The following GALNT17 variants were observed in gnomAD, a reference collection of about 807,000 sequenced individuals.
GALNT17 encodes UDP-GalNAc:polypeptide N-acetylgalactosaminyltransferase-like 3.
In GALNT17, 29 loss-of-function variants were observed where a neutral mutation model predicts 63.7. That is an observed-to-expected ratio of 0.46 (90% CI 0.34 to 0.62). The LOEUF (loss-of-function observed/expected upper bound fraction) is 0.62, where lower values mean the gene tolerates loss of function less well. Among genes scored for constraint, GALNT17 ranks in the 20% least tolerant of loss-of-function variants. The pLI is 0.01. For synonymous variants in GALNT17, 305 were observed against 318.3 expected (o/e 0.96, Z 0.45); for missense variants, 603 against 799.6 (o/e 0.75, Z 2.97).
intron 6 of GALNT17, among the ~76,000 whole-genome samples, chr7:71,582,390 TGG>T (rs1789648586): frequency 7.0e-6 from 1 of 143,830 alleles, no homozygotes; most frequent in Admixed American, 7.3e-5. Flanking sequence ...CTGGCCAACA[TGG>T]TGAAACACTG....
intron 2 of GALNT17, among the ~76,000 whole-genome samples, chr7:71,346,786 T>C (rs900616156): frequency 3.3e-5 from 5 of 151,990 alleles, no homozygotes; most frequent in African/African-American, 4.8e-5. Context: ...TGGAGTTACT[T>C]CTTTAGTTTT....
chr7:71,252,681 A>C (rs537515005), intron 1 of GALNT17, among the ~76,000 whole-genome samples: 1 of 152,302 alleles, frequency 6.6e-6, no homozygotes, highest in South Asian at 2.1e-4. Flanking sequence ...TAGATCATAC[A>C]TATATGTGTG....
At chr7:71,589,998 A>G (rs1789774703) in intron 6 of GALNT17, among the ~76,000 whole-genome samples, 1 of 152,176 alleles carries the variant, frequency 6.6e-6, no homozygotes, top group South Asian at 2.1e-4. Context: ...GATTATGTTC[A>G]TAATCTTTAT....
intron 1 of GALNT17, among the ~76,000 whole-genome samples, chr7:71,134,218 C>T (rs914817085): frequency 1.3e-5 from 2 of 152,208 alleles, no homozygotes; most frequent in Non-Finnish European, 2.9e-5. Flanking sequence ...AACCCTGTGT[C>T]TGGTTGACCA....
chr7:71,461,341 A>G (rs1408544110), intron 5 of GALNT17, among the ~76,000 whole-genome samples: 1 of 152,236 alleles, frequency 6.6e-6, no homozygotes, highest in Non-Finnish European at 1.5e-5. Context: ...AGGAGAACAT[A>G]GGAAAGGGCC....
Position 71,347,308 on chromosome 7 carries a change from C to T in GALNT17, c.422+11575C>T, listed in dbSNP as rs578126796. ...CCCTTTCTAGCTATGTGACCTTGGG[C>T]AAGTTGCTTAACCTGTCTGTGCCTC... On this transcript the variant is annotated intron_variant, in intron 2 of 10. Transcript: ENST00000333538. Among the ~76,000 whole-genome samples, 3 of 152,236 alleles carry T rather than the reference C, an allele frequency of 2.0e-5. No homozygotes were observed. In the South Asian group the frequency reaches 6.2e-4, roughly 32 times the overall value.
chr7:71,408,644 G>A (rs1378632934), intron 3 of GALNT17, among the ~76,000 whole-genome samples: 9 of 152,250 alleles, frequency 5.9e-5, no homozygotes, highest in Middle Eastern at 3.4e-3. Flanking sequence ...TGGGGAGCGG[G>A]GGAGGGATTG....
At position 71,462,974 on chromosome 7, in the gene GALNT17, A is replaced by T. The variant is rs189786906; in HGVS notation, c.962+41869A>T. 1.9e-3 allele frequency among the ~76,000 whole-genome samples: 288 copies of T among 152,286 alleles called. 7 individuals carry two copies. Among genetic ancestry groups the T allele is most frequent in the Admixed American group, 0.017 (262 of 15,302 alleles). On this transcript the variant is annotated intron_variant, in intron 5 of 10. Transcript: ENST00000333538. ...GCACTGAGACAGCAGATTGCAGCAG[A>T]CAAAAAGGTTTAATTGTTGGGCCAC...
intron 9 of GALNT17, among the ~76,000 whole-genome samples, chr7:71,695,728 A>G (rs1371433180): frequency 6.6e-6 from 1 of 152,108 alleles, no homozygotes; most frequent in Non-Finnish European, 1.5e-5. Context: ...TTTATTTTCT[A>G]TATTCAGTTT....
chr7:71,534,598 C>CA (rs371592743), intron 5 of GALNT17, among the ~76,000 whole-genome samples: 14,963 of 108,052 alleles, frequency 0.14, 1,203 homozygotes, highest in East Asian at 0.39. Context: ...GACTCCATCT[C>CA]AAAAAAAAAA....
At chr7:71,602,023 C>T (rs1789973694) in intron 6 of GALNT17, among the ~76,000 whole-genome samples, 2 of 152,212 alleles carry the variant, frequency 1.3e-5, no homozygotes, top group African/African-American at 2.4e-5. Context: ...TTCCAGCTGA[C>T]CCGTGCAAGA....
chr7:71,583,755 A>ACACACACACACAC (rs1554312281), intron 6 of GALNT17, among the ~76,000 whole-genome samples: 1 of 91,810 alleles, frequency 1.1e-5, no homozygotes, highest in African/African-American at 3.4e-5. Flanking sequence ...ACACACACAC[A>ACACACACACACAC]CACACCACAC....
chr7:71,317,204 A>G (rs892664649), intron 1 of GALNT17, among the ~76,000 whole-genome samples: 1 of 152,150 alleles, frequency 6.6e-6, no homozygotes, highest in Non-Finnish European at 1.5e-5. Flanking sequence ...AAGGAGCTGA[A>G]GTCACCTGGA....
rs1787694814 is a variant in GALNT17 at position 71,132,344 on chromosome 7, G to C, written c.-459G>C. ...GGGAGGCTGTGCGGCCCCAGGCGCG[G>C]CGCGCTCCGCCGTGGGCGGGCGGCG... On this transcript the variant is annotated 5_prime_UTR_variant, in exon 1 of 11. Coordinates refer to ENST00000333538, the MANE Select transcript of GALNT17 (RefSeq NM_022479.3). The C allele has an allele frequency of 6.6e-6, 1 of 151,908 alleles. No individual in the cohort carries two copies. The highest frequency in any genetic ancestry group is 2.0e-4 in the East Asian group (1 of 5,118). 9.4% of individuals were successfully genotyped at this position (151,908 alleles called of 1,614,324 possible). A position where few individuals can be genotyped will look rare whatever the true frequency, so the allele number is the denominator to read the frequency against.
chr7:71,573,099 C>G (rs1265838655), intron 6 of GALNT17, among the ~76,000 whole-genome samples: 1 of 151,644 alleles, frequency 6.6e-6, no homozygotes, highest in African/African-American at 2.4e-5. Flanking sequence ...ACCTCCATCT[C>G]CCAGGTTCAA....
chr7:71,385,063 TC>T (rs1275624305), intron 2 of GALNT17, among the ~76,000 whole-genome samples: 1 of 152,126 alleles, frequency 6.6e-6, no homozygotes, highest in Admixed American at 6.5e-5. Flanking sequence ...TGGTGATTGG[TC>T]CTGTCCCTTG....
chr7:71,223,934 T>C (rs1028579905), intron 1 of GALNT17, among the ~76,000 whole-genome samples: 3 of 152,256 alleles, frequency 2.0e-5, no homozygotes, highest in African/African-American at 7.2e-5. Flanking sequence ...GTGGTATATA[T>C]ATACCACATT....
chr7:71,373,611 C>T (rs932692510), intron 2 of GALNT17, among the ~76,000 whole-genome samples: 6 of 151,722 alleles, frequency 4.0e-5, no homozygotes, highest in African/African-American at 1.5e-4. Flanking sequence ...AGCTCTGGCT[C>T]CTGTCAGATC....
intron 6 of GALNT17, among the ~76,000 whole-genome samples, chr7:71,613,516 A>G (rs990112290): frequency 1.3e-5 from 2 of 152,188 alleles, no homozygotes; most frequent in Admixed American, 6.5e-5. Flanking sequence ...CCTTCTTTCC[A>G]TGAGTAGCCT....
Sources: allele counts gnomAD v4.1 joint callset (sites outside exome capture counted in the v4.1 genomes callset), GRCh38; gene constraint gnomAD v4.1.1; transcripts MANE v1.5; gene names NCBI Gene and HGNC (gene_info 2026-07-23, HGNC 2026-07-21).